The following UNC79 variants were observed in gnomAD, a reference collection of about 807,000 sequenced individuals.
UNC79 encodes unc-79 subunit of NALCN channel complex.
UNC79 carries 37 observed loss-of-function variants against 283.1 expected under a neutral mutation model. That is an observed-to-expected ratio of 0.13 (90% CI 0.10 to 0.17). The LOEUF is 0.17. Among genes scored for constraint, UNC79 ranks in the 10% least tolerant of loss-of-function variants. The pLI is 1.00. For missense variants in UNC79, 2,272 were observed against 3,211.1 expected (o/e 0.71, Z 7.07); for synonymous variants, 1,107 against 1,200.2 (o/e 0.92, Z 1.61).
At position 93,686,646 on chromosome 14, in the gene UNC79, G is replaced by A. The variant is rs577840160; in HGVS notation, c.6894G>A (p.Thr2298=). The A allele has an allele frequency of 1.4e-4, 219 of 1,614,062 alleles. 2 individuals are homozygous for A. The South Asian group carries it at 1.9e-3, about 14-fold the overall frequency. The change falls in exon 43 of 49, where the codon ACG becomes ACA. Residue 2298 remains threonine, a synonymous_variant. Transcript: ENST00000555664. ...TGGATTTCATGGCAGACATGCACAC[G>A]CTGACCAAACTGAAGGTGAGATGAC...
At position 93,531,448 on chromosome 14, in the gene UNC79, T is replaced by A. The variant is rs1205302374; in HGVS notation, c.1094-1102T>A. 3.3e-5 allele frequency among the ~76,000 whole-genome samples: 5 copies of A among 152,236 alleles called. No individual in the cohort carries two copies. Among genetic ancestry groups the A allele is most frequent in the African/African-American group, 1.2e-4 (5 of 41,458 alleles). The stretch of plus-strand genomic sequence containing the variant: ...ACATATTAGCCAATTCTTGGAAAAT[T>A]TATTTTCAAATGCTCTCCAGCATCA... On this transcript the variant is annotated intron_variant, in intron 10 of 48. Transcript: ENST00000555664. This position sits in a 1 kb window ranked among gnomAD's most constrained non-coding sequence, Gnocchi z 4.2.
chr14:93,681,132 A>G (rs1306443429), intron 41 of UNC79, among the ~76,000 whole-genome samples: 2 of 152,222 alleles, frequency 1.3e-5, no homozygotes, highest in Admixed American at 1.3e-4. Flanking sequence ...GTTAATGGCT[A>G]AATAGATTCT....
intron 4 of UNC79, among the ~76,000 whole-genome samples, chr14:93,479,231 T>TTCCTTC (rs1566975336): frequency 1.6e-5 from 2 of 125,422 alleles, no homozygotes; most frequent in Admixed American, 8.2e-5. Flanking sequence ...TTCCTTCCTT[T>TTCCTTC]CCTTCCTTCC....
Position 93,574,273 on chromosome 14 carries a change from CAG to C in UNC79, c.2071-782_2071-781del, listed in dbSNP as rs535905007. 1.1e-3 allele frequency among the ~76,000 whole-genome samples: 169 copies of C among 152,282 alleles called. 1 individual carries two copies. Among genetic ancestry groups the C allele is most frequent in the Middle Eastern group, 6.8e-3 (2 of 294 alleles). On this transcript the variant is annotated intron_variant, in intron 16 of 48. Coordinates refer to ENST00000555664, the Ensembl canonical transcript of UNC79. ...TTTCATCCAGCCTTGGTTTATAAGA[CAG>C]AGTGCTGCAGCTGAAGAAGGTTTTC...
intron 32 of UNC79, among the ~76,000 whole-genome samples, chr14:93,639,400 A>G (rs1210619787): frequency 6.6e-6 from 1 of 152,220 alleles, no homozygotes; most frequent in East Asian, 1.9e-4. Flanking sequence ...CGTGCTATTT[A>G]GTAATCAATT....
rs2074591257 is a variant in UNC79, at chr14:93,690,409, C to A, written c.7272+106C>A. The A allele has an allele frequency of 9.2e-6, 12 of 1,310,074 alleles. No individual in the cohort carries two copies. The highest frequency in any genetic ancestry group is 1.2e-5 in the Non-Finnish European group (12 of 961,420). The allele number at this position is 1,310,074 out of a possible 1,614,324, so 81.2% of individuals were successfully genotyped here. ...AGAAGAAAATACATCTTATCATTTGCCCTCCTGTGGATGTTAGAAACACAA... is the reference window on the plus strand; with the variant it reads ...AGAAGAAAATACATCTTATCATTTGACCTCCTGTGGATGTTAGAAACACAA... On this transcript the variant is annotated intron_variant, in intron 45 of 48. Coordinates refer to ENST00000555664, the Ensembl canonical transcript of UNC79. This position sits in a 1 kb window ranked among gnomAD's most constrained non-coding sequence, Gnocchi z 4.3.
intron 35 of UNC79, 39 bp downstream of exon 38, chr14:93,646,685 C>T: frequency 1.2e-6 from 2 of 1,607,604 alleles, no homozygotes; most frequent in African/African-American, 1.3e-5. Context: ...ACTTTCTTTT[C>T]TCCTCTGTGC....
chr14:93,592,157 A>AT (rs1239924684), intron 22 of UNC79, among the ~76,000 whole-genome samples: 5 of 149,438 alleles, frequency 3.3e-5, no homozygotes, highest in Non-Finnish European at 7.4e-5. Flanking sequence ...TTATACATTC[A>AT]TTACATAACT....
upstream of UNC79, among the ~76,000 whole-genome samples, chr14:93,427,800 A>AT: frequency 6.6e-6 from 1 of 152,236 alleles, no homozygotes. Flanking sequence ...ATTTAGAATA[A>AT]TTTTTTATGG....
In UNC79 at chr14:93,533,216, G is replaced by C. The variant is rs1334708818; in HGVS notation, c.1122+638G>C. On this transcript the variant is annotated intron_variant, in intron 11 of 48. Transcript: ENST00000555664. ...AGATTCTTGGACTCTGGCCAGTTCT[G>C]TTCCCTCCTACCTATGTGGACCTTG... Among the ~76,000 whole-genome samples the C allele has an allele frequency of 3.3e-5, 5 of 152,202 alleles. 1 individual carries two copies. In the Middle Eastern group the frequency reaches 0.014, roughly 417 times the overall value.
chr14:93,700,546 C>T (rs2075454173), intron 47 of UNC79, among the ~76,000 whole-genome samples: 1 of 152,042 alleles, frequency 6.6e-6, no homozygotes, highest in Non-Finnish European at 1.5e-5. Flanking sequence ...TGTTTCTTAG[C>T]ATGCCTGGTA....
intron 47 of UNC79, among the ~76,000 whole-genome samples, chr14:93,703,279 A>G (rs2075660520): frequency 1.3e-5 from 2 of 152,160 alleles, no homozygotes; most frequent in South Asian, 2.1e-4. Flanking sequence ...ACCAACAGAA[A>G]TGTATTCCCT....
chr14:93,419,113 G>GTCAC (rs552646460), intron 1 of UNC79, among the ~76,000 whole-genome samples: 20,788 of 150,792 alleles, frequency 0.14, 2,148 homozygotes, highest in African/African-American at 0.27. Flanking sequence ...CGTCTTCTGT[G>GTCAC]TCACGCTGGG....
At chr14:93,484,633 T>C (rs2058320148) in intron 4 of UNC79, among the ~76,000 whole-genome samples, 1 of 152,224 alleles carries the variant, frequency 6.6e-6, no homozygotes. Flanking sequence ...CAAAATTTTC[T>C]TATTTTGATT....
chr14:93,691,817 C>T lies in UNC79; in HGVS notation c.7341C>T (p.Cys2447=), dbSNP rs778093952. The T allele has an allele frequency of 2.4e-4, 395 of 1,614,166 alleles. 3 individuals carry two copies. In the East Asian group the frequency reaches 8.5e-3, roughly 35 times the overall value. Residue 2447 remains cysteine, a synonymous_variant, in exon 46 of 49, where the codon TGC becomes TGT. Coordinates refer to ENST00000555664, the Ensembl canonical transcript of UNC79. Reference sequence around the variant, plus strand: ...TTGCTCAGCTGTGGACAGTTTATTGCGAGCAAAGTGCCGTCGCTACAAATC... The same window carrying T: ...TTGCTCAGCTGTGGACAGTTTATTGTGAGCAAAGTGCCGTCGCTACAAATC...
intron 1 of UNC79, among the ~76,000 whole-genome samples, chr14:93,340,903 C>T (rs527889445): frequency 1.3e-4 from 20 of 152,192 alleles, no homozygotes; most frequent in South Asian, 1.2e-3. Context: ...AGTTAAAATA[C>T]GTAAGGACGC....
At chr14:93,500,122 G>C (rs779376844) in intron 7 of UNC79, among the ~76,000 whole-genome samples, 20 of 152,126 alleles carry the variant, frequency 1.3e-4, no homozygotes, top group Non-Finnish European at 2.2e-4. Flanking sequence ...TGCCTGTTCA[G>C]AGCATCTCAA....
At position 93,444,130 on chromosome 14, in the gene UNC79, C is replaced by G. The variant is rs1455098456; in HGVS notation, c.22+13079C>G. 1.2e-4 allele frequency among the ~76,000 whole-genome samples: 19 copies of G among 152,136 alleles called. 1 individual carries two copies. Among genetic ancestry groups the G allele is most frequent in the Admixed American group, 1.2e-3 (19 of 15,274 alleles). ...CACTTGGTATTCACAGTCTATTTAA[C>G]TTTAGTCTTTCTAGTTGGTGTGCAG... On this transcript the variant is annotated intron_variant, in intron 1 of 48. Transcript: ENST00000555664.
chr14:93,572,154 T>A (rs2063238951), intron 15 of UNC79, 70 bp downstream of exon 15: 1 of 1,508,434 alleles, frequency 6.6e-7, no homozygotes, highest in South Asian at 1.3e-5. Context: ...ATGTACTGTA[T>A]GCCGGTCACC....
Sources: gnomAD v4.1 joint callset for allele counts (sites outside exome capture counted in the v4.1 genomes callset) on GRCh38, gnomAD v4.1.1 for gene constraint, Gnocchi (gnomAD v3.1) non-coding constraint, MANE v1.5 for transcripts, NCBI Gene and HGNC (gene_info 2026-07-23, HGNC 2026-07-21) for gene names.